DIS3L2: variants seen among roughly 807,000 people sequenced by gnomAD.
DIS3L2 encodes the protein DIS3 like 3'-5' exoribonuclease 2, also known as DIS3-like exonuclease 2.
Under a neutral mutation model 97.5 loss-of-function variants are expected in DIS3L2, and 34 were observed. The ratio of observed to expected loss-of-function variants is 0.35; its 90% confidence interval spans 0.27 to 0.46. DIS3L2 has a LOEUF of 0.46. Ranked by LOEUF, DIS3L2 falls within the 20% of genes least tolerant of loss-of-function variation. The pLI is 1.00. For synonymous variants in DIS3L2, 435 were observed against 445.2 expected, an observed-to-expected ratio of 0.98 and a Z score of 0.29; for missense variants, 1,038 against 1,146.0, an observed-to-expected ratio of 0.91 and a Z score of 1.36.
intron 1 of DIS3L2, among the ~76,000 whole-genome samples, chr2:231,965,545 C>T (rs939532078): frequency 6.6e-6 from 1 of 151,394 alleles, no homozygotes; most frequent in African/African-American, 2.4e-5. Flanking sequence ...ACTTTTAAGT[C>T]CTCTTAAAAG....
intron 10 of DIS3L2, among the ~76,000 whole-genome samples, chr2:232,230,663 G>A (rs79867051): frequency 0.01 from 1,571 of 152,316 alleles, 16 homozygotes; most frequent in Non-Finnish European, 0.015. Flanking sequence ...ACTGCAGATG[G>A]CATTAATAGA....
intron 6 of DIS3L2, among the ~76,000 whole-genome samples, chr2:232,107,307 A>G (rs539455510): frequency 6.6e-6 from 1 of 152,196 alleles, no homozygotes; most frequent in Non-Finnish European, 1.5e-5. Flanking sequence ...AAAAATTAAG[A>G]AGTCCAGGAG....
At chr2:232,122,893 A>G (rs1392979712) in intron 6 of DIS3L2, among the ~76,000 whole-genome samples, 2 of 152,186 alleles carry the variant, frequency 1.3e-5, no homozygotes, top group Admixed American at 1.3e-4. Flanking sequence ...AGAGTAATTT[A>G]TTTGTTTGGA....
intron 13 of DIS3L2, among the ~76,000 whole-genome samples, chr2:232,284,415 G>A (rs1044440647): frequency 5.9e-5 from 9 of 152,198 alleles, no homozygotes; most frequent in Non-Finnish European, 2.9e-5. Flanking sequence ...CTGGCAGAAT[G>A]TGTTGATGTG....
intron 1 of DIS3L2, among the ~76,000 whole-genome samples, chr2:232,000,728 T>TTC (rs1693870717): frequency 3.7e-5 from 5 of 135,812 alleles, no homozygotes; most frequent in African/African-American, 1.5e-4. Context: ...TCTTCTTCTT[T>TTC]TTTTTTTTTT....
At chr2:232,111,112 G>T (rs948994986) in intron 6 of DIS3L2, 2 of 407,788 alleles carry the variant, frequency 4.9e-6, no homozygotes, top group Non-Finnish European at 1.0e-5. Flanking sequence ...GAGATCCTGG[G>T]CAAATTTAAA....
intron 13 of DIS3L2, among the ~76,000 whole-genome samples, chr2:232,299,371 A>G (rs1271238925): frequency 6.6e-6 from 1 of 152,182 alleles, no homozygotes; most frequent in Non-Finnish European, 1.5e-5. Flanking sequence ...TTCGCTGTTA[A>G]GGTAAAGGCC....
chr2:231,975,336 A>T (rs116645969), intron 1 of DIS3L2, among the ~76,000 whole-genome samples: 8 of 152,160 alleles, frequency 5.3e-5, no homozygotes, highest in Admixed American at 5.2e-4. Context: ...ATTATATATT[A>T]TATCTCTTTG....
At chr2:232,087,812 C>CCAT (rs1370344890) in intron 6 of DIS3L2, 91 bp downstream of exon 6, 1 of 1,032,972 alleles carries the variant, frequency 9.7e-7, no homozygotes, top group Non-Finnish European at 1.4e-6. Context: ...TAACACAATG[C>CCAT]CATTGATATA....
chr2:232,195,167 G>A (rs140081496), intron 9 of DIS3L2, among the ~76,000 whole-genome samples: 70 of 152,234 alleles, frequency 4.6e-4, no homozygotes, highest in African/African-American at 1.5e-3. Flanking sequence ...ACTTTCTTCT[G>A]TTAAAAATTA....
At chr2:232,011,931 G>A (rs1249376490) in intron 1 of DIS3L2, among the ~76,000 whole-genome samples, 4 of 152,218 alleles carry the variant, frequency 2.6e-5, no homozygotes, top group Non-Finnish European at 2.9e-5. Flanking sequence ...GACTACAGGC[G>A]TGAGCCACGA....
chr2:232,059,174 G>T (rs1287406879), intron 5 of DIS3L2, among the ~76,000 whole-genome samples: 2 of 152,110 alleles, frequency 1.3e-5, no homozygotes, highest in Non-Finnish European at 2.9e-5. Flanking sequence ...ATTTTCAGAA[G>T]AATTCTTGCA....
At chr2:232,096,921 T>G (rs1329090736) in intron 6 of DIS3L2, among the ~76,000 whole-genome samples, 1 of 152,242 alleles carries the variant, frequency 6.6e-6, no homozygotes, top group African/African-American at 2.4e-5. Flanking sequence ...GGATTGGTCC[T>G]TGGTGCCTTA....
At chr2:232,296,732 C>T (rs1288339331) in intron 13 of DIS3L2, among the ~76,000 whole-genome samples, 1 of 152,188 alleles carries the variant, frequency 6.6e-6, no homozygotes, top group Non-Finnish European at 1.5e-5. Flanking sequence ...CATTAAACCT[C>T]TTTCCTTTAT....
chr2:232,248,939 G>A (rs1029504613), intron 11 of DIS3L2, among the ~76,000 whole-genome samples: 3 of 152,198 alleles, frequency 2.0e-5, no homozygotes, highest in African/African-American at 7.2e-5. Context: ...AGTACTTCTT[G>A]AGTCTGGAGC....
intron 14 of DIS3L2, among the ~76,000 whole-genome samples, chr2:232,304,728 C>A (rs1210848037): frequency 6.6e-6 from 1 of 152,152 alleles, no homozygotes; most frequent in Non-Finnish European, 1.5e-5. Context: ...GTGTCTTTTC[C>A]TTCTGGTTGC....
intron 6 of DIS3L2, among the ~76,000 whole-genome samples, chr2:232,117,440 G>A (rs1440598430): frequency 6.6e-6 from 1 of 152,222 alleles, no homozygotes; most frequent in Non-Finnish European, 1.5e-5. Context: ...GTGAGGTAAT[G>A]GAAGGGAAAG....
rs1695685236 is a variant in DIS3L2 at position 232,329,905 on chromosome 2, C to T, written c.1832C>T (p.Pro611Leu). 6.2e-7 allele frequency: 1 copy of T among 1,612,926 alleles called. No homozygotes were observed. Among genetic ancestry groups the T allele is most frequent in the Non-Finnish European group, 8.5e-7 (1 of 1,179,764 alleles). ...GAGCAGGCCCTGCTGCGCCGGCACCCCCCGCCCCAAACAAGGATGCTCAGT... is the reference window on the plus strand; with the variant it reads ...GAGCAGGCCCTGCTGCGCCGGCACCTCCCGCCCCAAACAAGGATGCTCAGT... ...FPEQALLRRH[P>L]PPQTRMLSDL... The change falls in exon 15 of 21, where the codon CCC becomes CTC. Residue 611 changes from proline to leucine, a missense_variant. Pro to Leu is a moderately conservative substitution (Grantham distance 98). This residue lies in a region of DIS3L2 where 813 missense variants were observed against 880.1 expected (regional missense o/e 0.92). Transcript: ENST00000325385.
intron 6 of DIS3L2, among the ~76,000 whole-genome samples, chr2:232,119,045 G>A (rs1052242068): frequency 6.6e-6 from 1 of 152,196 alleles, no homozygotes; most frequent in Non-Finnish European, 1.5e-5. Context: ...TCTTGGGGAA[G>A]TAGCATTTTA....
Sources: gnomAD v4.1 joint callset for allele counts (sites outside exome capture counted in the v4.1 genomes callset) on GRCh38, gnomAD v4.1.1 for gene constraint, gnomAD v4.1.1 regional missense constraint, MANE v1.5 for transcripts, NCBI Gene and HGNC (gene_info 2026-07-23, HGNC 2026-07-21) for gene names.